The following CDH18 variants were observed in gnomAD, a reference collection of about 807,000 sequenced individuals.
CDH18 encodes cadherin 18.
Under a neutral mutation model 67.9 loss-of-function variants are expected in CDH18, and 31 were observed. That is an observed-to-expected ratio of 0.46 (90% confidence interval 0.34 to 0.62). The LOEUF (loss-of-function observed/expected upper bound fraction) is 0.62. CDH18 is among the 20% of genes least tolerant of loss of function. The probability of loss-of-function intolerance (pLI) is 0.01; values close to 1 mark genes in which losing one functional copy is unlikely to be tolerated. For synonymous variants in CDH18, 362 were observed against 347.2 expected, an observed-to-expected ratio of 1.04 and a Z score of -0.48; for missense variants, 890 against 975.5, an observed-to-expected ratio of 0.91 and a Z score of 1.17.
intron 2 of CDH18, among the ~76,000 whole-genome samples, chr5:19,919,703 A>G (rs1313131708): frequency 1.3e-5 from 2 of 152,216 alleles, no homozygotes; most frequent in Non-Finnish European, 2.9e-5. Flanking sequence ...AACTTATTTG[A>G]TGGAAGAAAT....
At chr5:20,563,169 T>G (rs1403786446) in intron 1 of CDH18, among the ~76,000 whole-genome samples, 1 of 152,132 alleles carries the variant, frequency 6.6e-6, no homozygotes, top group Middle Eastern at 3.4e-3. Flanking sequence ...AATAATATAT[T>G]TTTATTTTTC....
At chr5:20,263,066 G>A (rs1744778460) in intron 1 of CDH18, among the ~76,000 whole-genome samples, 1 of 149,892 alleles carries the variant, frequency 6.7e-6, no homozygotes, top group African/African-American at 2.5e-5. Flanking sequence ...TGAAGAGAGG[G>A]AAAAAGAGGT....
At chr5:19,912,209 T>C (rs1791231618) in intron 2 of CDH18, among the ~76,000 whole-genome samples, 1 of 151,756 alleles carries the variant, frequency 6.6e-6, no homozygotes, top group African/African-American at 2.4e-5. Context: ...AACGGCTTCG[T>C]AAAAGCAAAG....
intron 3 of CDH18, among the ~76,000 whole-genome samples, chr5:19,811,116 A>G (rs1041025758): frequency 1.8e-5 from 2 of 110,474 alleles, no homozygotes; most frequent in African/African-American, 7.3e-5. Flanking sequence ...GAAAGAAAGA[A>G]AGAAAGAAAG....
intron 2 of CDH18, among the ~76,000 whole-genome samples, chr5:20,164,551 A>G (rs1736143971): frequency 6.6e-6 from 1 of 152,170 alleles, no homozygotes. Flanking sequence ...CTAGAATTAC[A>G]GGTGTGAGCC....
chr5:20,199,415 A>G (rs1739262784), intron 2 of CDH18, among the ~76,000 whole-genome samples: 1 of 152,130 alleles, frequency 6.6e-6, no homozygotes, highest in African/African-American at 2.4e-5. Context: ...TAAGGCCTGT[A>G]GCCCCTTTGT....
At chr5:19,969,455 C>A (rs1266162524) in intron 2 of CDH18, among the ~76,000 whole-genome samples, 1 of 150,180 alleles carries the variant, frequency 6.7e-6, no homozygotes, top group South Asian at 2.1e-4. Context: ...AAATGTCCAA[C>A]AATGATAGAC....
chr5:20,246,993 C>G (rs1743428892), intron 2 of CDH18, among the ~76,000 whole-genome samples: 1 of 152,170 alleles, frequency 6.6e-6, no homozygotes, highest in South Asian at 2.1e-4. Context: ...CTCTTTTCCT[C>G]ATGCTCAGCT....
intron 7 of CDH18, among the ~76,000 whole-genome samples, chr5:19,578,977 T>C (rs1290269084): frequency 6.6e-6 from 1 of 152,058 alleles, no homozygotes; most frequent in African/African-American, 2.4e-5. Context: ...AATGAGATAG[T>C]CTTGAAGACT....
intron 2 of CDH18, among the ~76,000 whole-genome samples, chr5:20,132,170 T>G (rs1056753017): frequency 2.0e-5 from 3 of 152,170 alleles, no homozygotes; most frequent in Non-Finnish European, 4.4e-5. Flanking sequence ...ATTACAGGCG[T>G]GAGCCACCAC....
intron 2 of CDH18, among the ~76,000 whole-genome samples, chr5:20,094,777 C>T (rs2150565865): frequency 6.6e-6 from 1 of 152,118 alleles, no homozygotes; most frequent in Non-Finnish European, 1.5e-5. Flanking sequence ...ACTAGAAATA[C>T]CATTTGACCC....
At chr5:20,288,933 A>C (rs963436453) in intron 1 of CDH18, among the ~76,000 whole-genome samples, 1 of 151,948 alleles carries the variant, frequency 6.6e-6, no homozygotes, top group Non-Finnish European at 1.5e-5. Context: ...TCTAGAAATC[A>C]ACTATTTTTG....
At chr5:20,509,407 C>CGTT (rs1754875444) in intron 1 of CDH18, among the ~76,000 whole-genome samples, 1 of 139,338 alleles carries the variant, frequency 7.2e-6, no homozygotes, top group Non-Finnish European at 1.5e-5. Flanking sequence ...CAGGATTTCC[C>CGTT]TTTTTTTTTT....
At chr5:19,846,518 T>A (rs539094155) in intron 2 of CDH18, among the ~76,000 whole-genome samples, 29 of 152,218 alleles carry the variant, frequency 1.9e-4, no homozygotes, top group African/African-American at 6.5e-4. Flanking sequence ...CAGCATAGAT[T>A]TTTAACTATA....
rs1775696054 is a variant in CDH18 at position 19,785,682 on chromosome 5, ATATATATATATATATATAT to A, written c.229-38465_229-38447del. On this transcript the variant is annotated intron_variant, in intron 3 of 12. Transcript: ENST00000382275. ...AAAAAAAAAAAAAAAAAAAAAAAATATATATATATATATATATATATATATATATATATATATATATATG... is the reference window on the plus strand; with the variant it reads ...AAAAAAAAAAAAAAAAAAAAAAAATAATATATATATATATATATATATATG... Among the ~76,000 whole-genome samples, 16 of 20,846 alleles carry A rather than the reference ATATATATATATATATATAT, an allele frequency of 7.7e-4. 1 individual carries two copies. The highest frequency in any genetic ancestry group is 8.1e-4 in the Non-Finnish European group (10 of 12,304). The allele number at this position is 20,846 out of a possible 152,430, so 13.7% of individuals were successfully genotyped here.
intron 1 of CDH18, among the ~76,000 whole-genome samples, chr5:20,486,209 GT>G (rs781531239): frequency 1.2e-4 from 18 of 152,082 alleles, no homozygotes; most frequent in Non-Finnish European, 2.1e-4. Flanking sequence ...CAAAATTGAA[GT>G]TTTGAGTCAT....
chr5:20,305,484 G>C (rs935172178), intron 1 of CDH18: 1 of 1,241,906 alleles, frequency 8.1e-7, no homozygotes, highest in African/African-American at 1.5e-5. Flanking sequence ...CGCTGCACTC[G>C]CTGGGTCTTG....
In CDH18 at chr5:20,086,944, A is replaced by G. The variant is rs143582151; in HGVS notation, c.-517-94930T>C. Among the ~76,000 whole-genome samples the G allele has an allele frequency of 1.5e-4, 23 of 152,324 alleles. No individual in the cohort carries two copies. In the East Asian group the frequency reaches 2.7e-3, roughly 18 times the overall value. Reference sequence around the variant, plus strand: ...AGTCTTACTAAGAAATGCATTCCTTAATGCTATAGCTGCCATAAATACTGA... The same window carrying G: ...AGTCTTACTAAGAAATGCATTCCTTGATGCTATAGCTGCCATAAATACTGA... On this transcript the variant is annotated intron_variant, in intron 2 of 14. Coordinates refer to the CDH18 transcript ENST00000507958.
At chr5:20,394,468 T>C (rs1745124032) in intron 1 of CDH18, among the ~76,000 whole-genome samples, 1 of 152,132 alleles carries the variant, frequency 6.6e-6, no homozygotes, top group African/African-American at 2.4e-5. Context: ...TCTGAAACCA[T>C]TAACATTTTA....
Sources: gnomAD v4.1 joint callset for allele counts (sites outside exome capture counted in the v4.1 genomes callset) on GRCh38, gnomAD v4.1.1 for gene constraint, MANE v1.5 for transcripts, NCBI Gene and HGNC (gene_info 2026-07-23, HGNC 2026-07-21) for gene names.